The following DPYD variants were observed in gnomAD, a reference collection of about 807,000 sequenced individuals.
The protein encoded by DPYD is dihydropyrimidine dehydrogenase [NADP(+)].
DPYD carries 109 observed loss-of-function variants against 116.2 expected under a neutral mutation model. The ratio of observed to expected loss-of-function variants is 0.94; its 90% confidence interval spans 0.80 to 1.10. The LOEUF is 1.10. Ranked by LOEUF, DPYD falls within the 50% of genes least tolerant of loss-of-function variation. The pLI is 0.00. For missense variants in DPYD, 1,302 were observed against 1,254.5 expected, an observed-to-expected ratio of 1.04 and a Z score of -0.57; for synonymous variants, 440 against 432.0, an observed-to-expected ratio of 1.02 and a Z score of -0.23.
chr1:97,811,615 C>T (rs369652206), intron 3 of DPYD, among the ~76,000 whole-genome samples: 4 of 152,042 alleles, frequency 2.6e-5, no homozygotes, highest in African/African-American at 4.8e-5. Context: ...TAAAAAATAA[C>T]TTTGTTTCGA....
At chr1:97,246,519 T>C (rs1662728745) in intron 18 of DPYD, among the ~76,000 whole-genome samples, 1 of 152,140 alleles carries the variant, frequency 6.6e-6, no homozygotes, top group African/African-American at 2.4e-5. Context: ...TTAGGATATT[T>C]CAAACTGTGG....
At chr1:97,732,508 G>A (rs1388471588) in intron 4 of DPYD, among the ~76,000 whole-genome samples, 1 of 150,284 alleles carries the variant, frequency 6.7e-6, no homozygotes, top group Non-Finnish European at 1.5e-5. Context: ...ATGTAACCTT[G>A]TGAAGTTATA....
At chr1:97,495,104 A>C (rs1679189591) in intron 13 of DPYD, among the ~76,000 whole-genome samples, 1 of 152,174 alleles carries the variant, frequency 6.6e-6, no homozygotes, top group South Asian at 2.1e-4. Context: ...CAAATATTTT[A>C]AACATGTTAA....
intron 16 of DPYD, among the ~76,000 whole-genome samples, chr1:97,323,740 A>G (rs2101126306): frequency 6.7e-6 from 1 of 148,674 alleles, no homozygotes; most frequent in East Asian, 2.0e-4. Flanking sequence ...ACATATATAT[A>G]TAATATATTT....
intron 20 of DPYD, among the ~76,000 whole-genome samples, chr1:97,141,868 G>A (rs200087708): frequency 2.0e-5 from 3 of 152,020 alleles, no homozygotes; most frequent in Non-Finnish European, 4.4e-5. Flanking sequence ...AGAACCCTCC[G>A]GGGTCAGGGG....
chr1:97,889,100 T>C (rs996168509), intron 1 of DPYD, among the ~76,000 whole-genome samples: 8 of 151,976 alleles, frequency 5.3e-5, no homozygotes, highest in African/African-American at 1.9e-4. Context: ...GAGGTTACAA[T>C]GAGCCGAGAT....
At chr1:97,594,029 G>T (rs541252692) in intron 9 of DPYD, among the ~76,000 whole-genome samples, 1 of 152,120 alleles carries the variant, frequency 6.6e-6, no homozygotes, top group South Asian at 2.1e-4. Context: ...CATTTCTCAA[G>T]GTCATCTCTA....
At chr1:97,295,349 T>C (rs1241218219) in intron 18 of DPYD, 1 of 8,806 alleles carries the variant, frequency 1.1e-4, no homozygotes. Context: ...TGATCAATTT[T>C]CTAGCAATAC....
At chr1:97,739,049 T>G (rs1271788729) in intron 4 of DPYD, among the ~76,000 whole-genome samples, 2 of 152,122 alleles carry the variant, frequency 1.3e-5, no homozygotes, top group East Asian at 3.9e-4. Context: ...TCATATTTCC[T>G]CATGCTTGAT....
chr1:97,762,041 AC>A (rs1325178513), intron 3 of DPYD, among the ~76,000 whole-genome samples: 2 of 152,128 alleles, frequency 1.3e-5, no homozygotes, highest in Non-Finnish European at 2.9e-5. Context: ...GGATCAAAAA[AC>A]TACCTATCAT....
At chr1:97,887,287 C>G (rs999650713) in intron 1 of DPYD, among the ~76,000 whole-genome samples, 2 of 151,422 alleles carry the variant, frequency 1.3e-5, no homozygotes, top group African/African-American at 4.8e-5. Context: ...CTGGGCAACA[C>G]AGTGAATCCC....
chr1:97,852,230 A>G (rs1670607542), intron 2 of DPYD, among the ~76,000 whole-genome samples: 1 of 152,012 alleles, frequency 6.6e-6, no homozygotes, highest in African/African-American at 2.4e-5. Flanking sequence ...TTTACTTTCT[A>G]TTTTCTCTTA....
chr1:97,519,325 A>G (rs1648470720), intron 12 of DPYD, among the ~76,000 whole-genome samples: 1 of 152,136 alleles, frequency 6.6e-6, no homozygotes, highest in Admixed American at 6.6e-5. Context: ...GAGCTTATGC[A>G]GTGGAACTCC....
At chr1:97,234,480 T>C (rs932250582) in intron 19 of DPYD, among the ~76,000 whole-genome samples, 11 of 152,150 alleles carry the variant, frequency 7.2e-5, no homozygotes, top group Admixed American at 2.6e-4. Context: ...GGTAATGACA[T>C]AGATTTTCAT....
intron 11 of DPYD, among the ~76,000 whole-genome samples, chr1:97,552,851 C>T (rs191421586): frequency 1.3e-5 from 2 of 152,080 alleles, no homozygotes; most frequent in Non-Finnish European, 2.9e-5. Flanking sequence ...TCAAGTTTAA[C>T]ATGTTCCTAA....
intron 13 of DPYD, among the ~76,000 whole-genome samples, chr1:97,450,578 CTATT>C (rs1180623926): frequency 2.0e-5 from 3 of 151,540 alleles, no homozygotes; most frequent in African/African-American, 7.3e-5. Context: ...TCATTTCTGT[CTATT>C]TAATCTAGGT....
intron 7 of DPYD, 89 bp downstream of exon 7, chr1:97,691,628 A>G: frequency 8.7e-7 from 1 of 1,154,334 alleles, no homozygotes. Context: ...GTTCTTTCCT[A>G]AAATGCATGA....
At position 97,225,686 on chromosome 1, in the gene DPYD, T is replaced by C. The variant is rs188442443; in HGVS notation, c.2442+9166A>G. The stretch of plus-strand genomic sequence containing the variant: ...ATAGGAAGTCTTTTCATCTTGTTGA[T>C]TGCTTCCTTTTTTGTATAGAAGTTT... On this transcript the variant is annotated intron_variant, in intron 19 of 22. Coordinates refer to ENST00000370192, the MANE Select transcript of DPYD (RefSeq NM_000110.4). 1.2e-3 allele frequency among the ~76,000 whole-genome samples: 184 copies of C among 152,128 alleles called. 1 individual carries two copies. Among genetic ancestry groups the C allele is most frequent in the Middle Eastern group, 6.8e-3 (2 of 294 alleles).
intron 8 of DPYD, among the ~76,000 whole-genome samples, chr1:97,630,182 A>C (rs1028952778): frequency 6.6e-6 from 1 of 152,052 alleles, no homozygotes; most frequent in Admixed American, 6.6e-5. Context: ...GTCAAAAAAA[A>C]AAGAAATATA....
Sources: gnomAD v4.1 joint callset for allele counts (sites outside exome capture counted in the v4.1 genomes callset) on GRCh38, gnomAD v4.1.1 for gene constraint, MANE v1.5 for transcripts, NCBI Gene and HGNC (gene_info 2026-07-23, HGNC 2026-07-21) for gene names.